The following SNTG2 variants were observed in gnomAD, a reference collection of about 807,000 sequenced individuals.
SNTG2 encodes the protein gamma-2-syntrophin.
SNTG2 carries 74 observed loss-of-function variants against 70.9 expected under a neutral mutation model. The observed-to-expected ratio is 1.04, with a 90% confidence interval of 0.86 to 1.27. The LOEUF (loss-of-function observed/expected upper bound fraction) is 1.27. SNTG2 is among the 50% of genes most tolerant of loss of function. The pLI is 0.00. For missense variants in SNTG2, 717 were observed against 690.7 expected, an observed-to-expected ratio of 1.04 and a Z score of -0.43; for synonymous variants, 278 against 273.8, an observed-to-expected ratio of 1.02 and a Z score of -0.15.
rs113239233 is a variant in SNTG2, at chr2:1,045,464, A to G, written c.73-38054A>G. On this transcript the variant is annotated intron_variant, in intron 1 of 16. Transcript: ENST00000308624. ...TCTTTCTTTTTTTCTTTTTCAAGGT[A>G]TGATGTTAGGTTCTTACTGTGAGGT... 3.1e-4 allele frequency among the ~76,000 whole-genome samples: 47 copies of G among 151,700 alleles called. 1 individual carries two copies. The highest frequency in any genetic ancestry group is 1.1e-3 in the African/African-American group (47 of 41,390).
intron 12 of SNTG2, among the ~76,000 whole-genome samples, chr2:1,252,286 T>C (rs888185442): frequency 2.0e-5 from 3 of 152,214 alleles, no homozygotes; most frequent in Admixed American, 1.3e-4. Context: ...AAAAGTTAGA[T>C]TGATTTGACT....
chr2:1,357,692 TC>T (rs2148314753), intron 16 of SNTG2, among the ~76,000 whole-genome samples: 1 of 152,264 alleles, frequency 6.6e-6, no homozygotes, highest in African/African-American at 2.4e-5. Context: ...TCACTCTCCT[TC>T]CTAGTTAGTG....
chr2:1,202,941 AAC>A (rs139492903), intron 8 of SNTG2, among the ~76,000 whole-genome samples: 3,435 of 152,270 alleles, frequency 0.023, 140 homozygotes, highest in African/African-American at 0.078. Context: ...AGATGGGAAA[AAC>A]ACAGAGAAAT....
At chr2:990,009 C>G (rs1218104782) in intron 1 of SNTG2, among the ~76,000 whole-genome samples, 1 of 152,238 alleles carries the variant, frequency 6.6e-6, no homozygotes, top group Non-Finnish European at 1.5e-5. Flanking sequence ...GCCCTGAGCT[C>G]CTCCAGGAGC....
intron 14 of SNTG2, among the ~76,000 whole-genome samples, chr2:1,270,654 A>G (rs1678971168): frequency 6.6e-6 from 1 of 152,176 alleles, no homozygotes; most frequent in Admixed American, 6.5e-5. Context: ...AAATAGTGAG[A>G]AGGTGCCTAG....
chr2:1,066,762 G>A (rs1034349483), intron 1 of SNTG2, among the ~76,000 whole-genome samples: 1 of 152,038 alleles, frequency 6.6e-6, no homozygotes, highest in African/African-American at 2.4e-5. Context: ...CACTTATCGA[G>A]CTTCCTCACC....
At chr2:1,051,343 G>A (rs1662062831) in intron 1 of SNTG2, among the ~76,000 whole-genome samples, 1 of 152,124 alleles carries the variant, frequency 6.6e-6, no homozygotes, top group Non-Finnish European at 1.5e-5. Flanking sequence ...AGTATGACAT[G>A]TGCTGTAAGT....
chr2:1,300,506 T>C (rs148196245), intron 14 of SNTG2, among the ~76,000 whole-genome samples: 236 of 152,230 alleles, frequency 1.6e-3, no homozygotes, highest in African/African-American at 5.2e-3. Context: ...TGCACATTGA[T>C]CAGAACCTCA....
rs189305603 is a variant in SNTG2 at position 1,287,985 on chromosome 2, C to T, written c.1284+20414C>T. Among the ~76,000 whole-genome samples the T allele has an allele frequency of 1.2e-3, 115 of 97,562 alleles. 1 individual carries two copies. The highest frequency in any genetic ancestry group is 4.1e-3 in the African/African-American group (103 of 25,248). 64.0% of individuals were successfully genotyped at this position (97,562 alleles called of 152,430 possible). Reference sequence around the variant, plus strand: ...GGAGCACCTGGGGCGAGCCCAGCTTCCATCCTGACCACCTGGAACCTCGGA... The same window carrying T: ...GGAGCACCTGGGGCGAGCCCAGCTTTCATCCTGACCACCTGGAACCTCGGA... On this transcript the variant is annotated intron_variant, in intron 14 of 16. Coordinates refer to ENST00000308624, the MANE Select transcript of SNTG2 (RefSeq NM_018968.4).
chr2:1,212,912 T>C (rs1398402913), intron 9 of SNTG2, among the ~76,000 whole-genome samples: 1 of 152,212 alleles, frequency 6.6e-6, no homozygotes, highest in Non-Finnish European at 1.5e-5. Flanking sequence ...AAACAGGTTT[T>C]AGAATCTTAA....
chr2:1,258,956 T>G (rs1160647920), intron 12 of SNTG2, among the ~76,000 whole-genome samples: 3 of 152,212 alleles, frequency 2.0e-5, no homozygotes, highest in Non-Finnish European at 4.4e-5. Flanking sequence ...ATTTTTGTAC[T>G]CCAGTAAATA....
At chr2:1,048,125 A>G (rs984447862) in intron 1 of SNTG2, among the ~76,000 whole-genome samples, 13 of 152,018 alleles carry the variant, frequency 8.6e-5, no homozygotes, top group East Asian at 1.9e-4. Context: ...TCTTTCCTTC[A>G]CCTCATCATA....
intron 1 of SNTG2, among the ~76,000 whole-genome samples, chr2:1,035,183 C>T (rs1275390348): frequency 2.6e-5 from 4 of 152,188 alleles, no homozygotes; most frequent in African/African-American, 9.7e-5. Context: ...AAAGATACAA[C>T]AATCCTTTAT....
chr2:1,070,193 C>A (rs1454507583), intron 1 of SNTG2, among the ~76,000 whole-genome samples: 1 of 152,070 alleles, frequency 6.6e-6, no homozygotes, highest in Non-Finnish European at 1.5e-5. Context: ...ACCCTGAGCC[C>A]ACCGGAGACC....
chr2:988,809 G>A (rs1422982366), intron 1 of SNTG2, among the ~76,000 whole-genome samples: 3 of 151,846 alleles, frequency 2.0e-5, no homozygotes, highest in African/African-American at 7.3e-5. Context: ...TTTTAATTGT[G>A]ATTTTATGTG....
intron 14 of SNTG2, among the ~76,000 whole-genome samples, chr2:1,298,649 G>T (rs2148232377): frequency 6.6e-6 from 1 of 152,132 alleles, no homozygotes; most frequent in South Asian, 2.1e-4. Flanking sequence ...CTCTCCAAAT[G>T]CCTTTTTACC....
chr2:1,161,347 G>A (rs560952163), intron 6 of SNTG2: 35 of 148,842 alleles, frequency 2.4e-4, no homozygotes, highest in African/African-American at 8.1e-4. Flanking sequence ...GCACAAAAAA[G>A]CTGCTTTTAG....
At chr2:1,143,122 A>G (rs544788530) in intron 6 of SNTG2, among the ~76,000 whole-genome samples, 1 of 152,334 alleles carries the variant, frequency 6.6e-6, no homozygotes, top group East Asian at 1.9e-4. Flanking sequence ...ATGAATGTGC[A>G]AAAGGGACAC....
At chr2:981,809 A>G (rs540827028) in intron 1 of SNTG2, among the ~76,000 whole-genome samples, 2 of 152,254 alleles carry the variant, frequency 1.3e-5, no homozygotes, top group African/African-American at 2.4e-5. Context: ...TACCATGCAC[A>G]TGAAACTATG....
Sources: gnomAD v4.1 joint callset for allele counts (sites outside exome capture counted in the v4.1 genomes callset) on GRCh38, gnomAD v4.1.1 for gene constraint, MANE v1.5 for transcripts, NCBI Gene and HGNC (gene_info 2026-07-23, HGNC 2026-07-21) for gene names.